CGNL1: variants seen among roughly 807,000 people sequenced by gnomAD.
CGNL1 encodes cingulin like 1.
CGNL1 carries 132 observed loss-of-function variants against 141.2 expected under a neutral mutation model. The ratio of observed to expected loss-of-function variants is 0.93; its 90% CI spans 0.81 to 1.08. CGNL1 has a LOEUF of 1.08. Among genes scored for constraint, CGNL1 ranks in the 50% least tolerant of loss-of-function variants. The probability of loss-of-function intolerance (pLI) is 0.00; values close to 1 mark genes in which losing one functional copy is unlikely to be tolerated. For synonymous variants in CGNL1, 690 were observed against 622.1 expected (o/e 1.11, Z -1.63); for missense variants, 1,870 against 1,588.6 (o/e 1.18, Z -3.01).
At chr15:57,468,234 C>CTTTTTTTTTTTTT (rs57360097) in intron 8 of CGNL1, among the ~76,000 whole-genome samples, 7 of 85,902 alleles carry the variant, frequency 8.1e-5, no homozygotes, top group African/African-American at 2.5e-4. Flanking sequence ...TTTTCTTTTT[C>CTTTTTTTTTTTTT]TTTTTTTTTT....
intron 1 of CGNL1, among the ~76,000 whole-genome samples, chr15:57,431,692 AATTCGTAAAC>A (rs1162651263): frequency 2.0e-5 from 3 of 151,950 alleles, no homozygotes; most frequent in African/African-American, 7.3e-5. Context: ...GCCCAAAGCA[AATTCGTAAAC>A]ATTCTTAAAA....
intron 12 of CGNL1, 68 bp from the exon 13 acceptor site, chr15:57,528,586 A>T: frequency 6.5e-7 from 1 of 1,534,642 alleles, no homozygotes; most frequent in South Asian, 1.2e-5. Context: ...CAGCCTGTGC[A>T]CTGTCTGTGG....
chr15:57,415,216 G>A (rs1422974410), intron 1 of CGNL1, among the ~76,000 whole-genome samples: 2 of 152,200 alleles, frequency 1.3e-5, no homozygotes, highest in Non-Finnish European at 2.9e-5. Context: ...CTCCAAAGAT[G>A]CCCAATTCCT....
chr15:57,386,366 C>G (rs1156383139), intron 1 of CGNL1, among the ~76,000 whole-genome samples: 1 of 152,204 alleles, frequency 6.6e-6, no homozygotes, highest in African/African-American at 2.4e-5. Context: ...GAAACTAGCT[C>G]TACGTATGTG....
Position 57,439,143 on chromosome 15 carries a change from G to T in CGNL1, c.1144G>T (p.Asp382Tyr). 2 of 1,614,168 alleles carry T rather than the reference G, an allele frequency of 1.2e-6. No homozygotes were observed. The highest frequency in any genetic ancestry group is 1.7e-6 in the Non-Finnish European group (2 of 1,180,030). ...SGKRNRINTD[D>Y]RKRSRSVDSA... is the part of the protein sequence containing the mutation. ...GAAGCGAAACAGAATTAATACAGAT[G>T]ACAGGAAAAGATCCAGAAGCGTGGA... The change falls in exon 2 of 19, where the codon GAC becomes TAC. Residue 382 changes from aspartate (D) to tyrosine (Y), a missense_variant. By Grantham distance (160) the Asp-to-Tyr change is radical (BLOSUM62 -3). Transcript: ENST00000281282.
chr15:57,455,342 A>G (rs1234358936), intron 7 of CGNL1, among the ~76,000 whole-genome samples: 1 of 152,236 alleles, frequency 6.6e-6, no homozygotes, highest in Non-Finnish European at 1.5e-5. Flanking sequence ...TAAATAGAAG[A>G]TAAAACATTG....
chr15:57,546,713 C>A (rs2032887503), intron 18 of CGNL1, among the ~76,000 whole-genome samples: 1 of 152,160 alleles, frequency 6.6e-6, no homozygotes, highest in Non-Finnish European at 1.5e-5. Context: ...ACGTGGAATG[C>A]AGGGTTGGGG....
chr15:57,481,064 G>GTTTTTTTTTTTTTTTTTTTTT (rs11298152), intron 8 of CGNL1, among the ~76,000 whole-genome samples: 1 of 116,086 alleles, frequency 8.6e-6, no homozygotes, highest in Non-Finnish European at 1.8e-5. Flanking sequence ...AAGACCTGGG[G>GTTTTTTTTTTTTTTTTTTTTT]TTTTTTTTTT....
intron 8 of CGNL1, among the ~76,000 whole-genome samples, chr15:57,492,610 T>C (rs2063881469): frequency 6.6e-6 from 1 of 152,126 alleles, no homozygotes; most frequent in Admixed American, 6.5e-5. Context: ...TCCAATAATC[T>C]TGAAGGTGAA....
chr15:57,381,391 C>T (rs1220928930), intron 1 of CGNL1, among the ~76,000 whole-genome samples: 24 of 152,110 alleles, frequency 1.6e-4, no homozygotes, highest in Admixed American at 1.6e-3. Flanking sequence ...GAAATACCGC[C>T]TCTACAAAAA....
chr15:57,547,591 A>ATCTG lies in CGNL1; in HGVS notation c.*103_*104insTGTC. The ATCTG allele has an allele frequency of 7.5e-7, 1 of 1,335,126 alleles. No homozygotes were observed. Among genetic ancestry groups the ATCTG allele is most frequent in the Non-Finnish European group, 1.0e-6 (1 of 964,376 alleles). The allele number at this position is 1,335,126 out of a possible 1,614,324, so 82.7% of individuals were successfully genotyped here. ...GAGCATCTGTCTGCCACTGAGACCA[A>ATCTG]TCACAGCCTCTTTGCACAGCATGCC... On this transcript the variant is annotated 3_prime_UTR_variant, in exon 19 of 19. Coordinates refer to ENST00000281282, the MANE Select transcript of CGNL1 (RefSeq NM_032866.5).
intron 12 of CGNL1, among the ~76,000 whole-genome samples, chr15:57,525,564 T>A (rs540322780): frequency 7.6e-4 from 116 of 152,314 alleles, no homozygotes; most frequent in African/African-American, 2.5e-3. Context: ...AGTCTGTACA[T>A]CCCGGACACT....
chr15:57,380,998 A>G (rs2062418485), intron 1 of CGNL1, among the ~76,000 whole-genome samples: 1 of 152,206 alleles, frequency 6.6e-6, no homozygotes, highest in Non-Finnish European at 1.5e-5. Context: ...GCTGTAGCTC[A>G]GGCTTCCTTG....
chr15:57,546,723 G>A (rs1214885521), intron 18 of CGNL1, among the ~76,000 whole-genome samples: 1 of 152,306 alleles, frequency 6.6e-6, no homozygotes, highest in African/African-American at 2.4e-5. Context: ...CAGGGTTGGG[G>A]ACTTTGTGGG....
chr15:57,532,748 C>G (rs1166177364), intron 14 of CGNL1, among the ~76,000 whole-genome samples: 1 of 152,216 alleles, frequency 6.6e-6, no homozygotes, highest in Non-Finnish European at 1.5e-5. Context: ...TTGCACCTAA[C>G]ATGGTGCTGG....
At chr15:57,417,760 G>C (rs948948817) in intron 1 of CGNL1, among the ~76,000 whole-genome samples, 1 of 152,182 alleles carries the variant, frequency 6.6e-6, no homozygotes, top group East Asian at 1.9e-4. Context: ...TGTTCTCATG[G>C]ATGTTACAGA....
intron 4 of CGNL1, among the ~76,000 whole-genome samples, chr15:57,445,737 A>G (rs2063242409): frequency 2.6e-5 from 4 of 152,194 alleles, no homozygotes. Context: ...GTGAGCCAAG[A>G]TGCCGCCGTT....
intron 1 of CGNL1, among the ~76,000 whole-genome samples, chr15:57,410,112 T>C (rs1595673877): frequency 6.6e-6 from 1 of 152,070 alleles, no homozygotes; most frequent in African/African-American, 2.4e-5. Context: ...CAGGGGATCA[T>C]TTGCAGTGTG....
intron 1 of CGNL1, among the ~76,000 whole-genome samples, chr15:57,407,971 A>T (rs2062742414): frequency 6.6e-6 from 1 of 151,116 alleles, no homozygotes; most frequent in African/African-American, 2.4e-5. Flanking sequence ...GTGGTCTTGA[A>T]CTCCTGACCT....
Sources: gnomAD v4.1 joint callset for allele counts (sites outside exome capture counted in the v4.1 genomes callset) on GRCh38, gnomAD v4.1.1 for gene constraint, MANE v1.5 for transcripts, NCBI Gene and HGNC (gene_info 2026-07-23, HGNC 2026-07-21) for gene names.